Variants in TNFSF4 observed in about 807,000 individuals in gnomAD.
The protein encoded by TNFSF4 is TNF superfamily member 4.
Under a neutral mutation model 7.3 loss-of-function variants are expected in TNFSF4, and 4 were observed. That is an observed-to-expected ratio of 0.55 (90% CI 0.27 to 1.25). TNFSF4 has a LOEUF of 1.25. Among genes scored for constraint, TNFSF4 ranks in the 50% most tolerant of loss-of-function variants. The probability of loss-of-function intolerance (pLI) is 0.12; values close to 1 mark genes in which losing one functional copy is unlikely to be tolerated. For missense variants in TNFSF4, 181 were observed against 208.8 expected (o/e 0.87, Z 0.82); for synonymous variants, 76 against 83.7 (o/e 0.91, Z 0.50).
chr1:173,203,979 C>A (rs1056685699), intron 1 of TNFSF4, among the ~76,000 whole-genome samples: 7 of 152,160 alleles, frequency 4.6e-5, no homozygotes, highest in Non-Finnish European at 1.0e-4. Flanking sequence ...AATTATATAC[C>A]TTATGTCATG....
the TNFSF4 span, among the ~76,000 whole-genome samples, chr1:173,336,117 T>C: frequency 1.3e-5 from 2 of 152,206 alleles, no homozygotes; most frequent in Non-Finnish European, 2.9e-5. Context: ...ATCCCCACAT[T>C]GGTTGCCTAA....
chr1:173,305,525 A>G, the TNFSF4 span, among the ~76,000 whole-genome samples: 1 of 151,872 alleles, frequency 6.6e-6, no homozygotes, highest in East Asian at 1.9e-4. Context: ...TGGATCATTC[A>G]ACCAGTTTCT....
At chr1:173,369,667 C>T in the TNFSF4 span, among the ~76,000 whole-genome samples, 2 of 152,096 alleles carry the variant, frequency 1.3e-5, no homozygotes, top group African/African-American at 4.8e-5. Flanking sequence ...ACTCATAAAC[C>T]CTGAAAAAGA....
chr1:173,202,575 G>C (rs1442790360), intron 1 of TNFSF4, among the ~76,000 whole-genome samples: 2 of 152,168 alleles, frequency 1.3e-5, no homozygotes, highest in African/African-American at 4.8e-5. Context: ...GTTCAGATTA[G>C]ACTCACTTTC....
chr1:173,238,913 T>G, the TNFSF4 span, among the ~76,000 whole-genome samples: 1 of 152,116 alleles, frequency 6.6e-6, no homozygotes, highest in Non-Finnish European at 1.5e-5. Context: ...CCCTAAGACC[T>G]CAGGGGGATA....
At chr1:173,303,464 A>G in the TNFSF4 span, among the ~76,000 whole-genome samples, 1 of 151,824 alleles carries the variant, frequency 6.6e-6, no homozygotes, top group African/African-American at 2.4e-5. Context: ...CTCTTTCCGT[A>G]GTTAGAAGAG....
chr1:173,215,984 C>T, the TNFSF4 span, among the ~76,000 whole-genome samples: 5 of 152,262 alleles, frequency 3.3e-5, no homozygotes, highest in East Asian at 9.6e-4. Flanking sequence ...GGCCCCACCC[C>T]AGACCTATCA....
At chr1:173,179,208 A>C (rs1407994017), downstream of TNFSF4, among the ~76,000 whole-genome samples, 1 of 152,222 alleles carries the variant, frequency 6.6e-6, no homozygotes, top group African/African-American at 2.4e-5. Flanking sequence ...AGTCTCAAAG[A>C]GTCTGATGAT....
At chr1:173,319,339 G>A in the TNFSF4 span, among the ~76,000 whole-genome samples, 1 of 152,242 alleles carries the variant, frequency 6.6e-6, no homozygotes, top group Non-Finnish European at 1.5e-5. Context: ...AGCAGCCCCA[G>A]TCAGGGGCTT....
the TNFSF4 span, among the ~76,000 whole-genome samples, chr1:173,353,786 T>C: frequency 2.6e-5 from 4 of 152,346 alleles, no homozygotes; most frequent in East Asian, 5.8e-4. Context: ...AACATGTTTC[T>C]TTGGAGGAAA....
the TNFSF4 span, among the ~76,000 whole-genome samples, chr1:173,248,279 C>A: frequency 6.6e-6 from 1 of 151,744 alleles, no homozygotes; most frequent in African/African-American, 2.4e-5. Flanking sequence ...ATTGCTTGAA[C>A]CTGGGAGGCG....
At chr1:173,341,540 G>T in the TNFSF4 span, among the ~76,000 whole-genome samples, 1 of 152,172 alleles carries the variant, frequency 6.6e-6, no homozygotes, top group South Asian at 2.1e-4. Context: ...TCTGGATGTG[G>T]AATCAGGAGA....
chr1:173,220,679 T>C, the TNFSF4 span, among the ~76,000 whole-genome samples: 1 of 152,130 alleles, frequency 6.6e-6, no homozygotes, highest in South Asian at 2.1e-4. Context: ...CCCTCTGCCA[T>C]GTGAGGATAC....
At chr1:173,261,700 C>T in the TNFSF4 span, among the ~76,000 whole-genome samples, 1 of 152,160 alleles carries the variant, frequency 6.6e-6, no homozygotes, top group Non-Finnish European at 1.5e-5. Context: ...ACTATAAACA[C>T]CTCTATGCAC....
chr1:173,306,845 G>A, the TNFSF4 span, among the ~76,000 whole-genome samples: 2 of 151,770 alleles, frequency 1.3e-5, no homozygotes, highest in African/African-American at 4.8e-5. Flanking sequence ...TGATGGATTC[G>A]AACTTCCCTG....
chr1:173,420,866 A>T, the TNFSF4 span, among the ~76,000 whole-genome samples: 2 of 152,218 alleles, frequency 1.3e-5, no homozygotes, highest in East Asian at 3.8e-4. Flanking sequence ...CCCTTAATTT[A>T]GAGTCAGAAA....
At chr1:173,268,783 T>C in the TNFSF4 span, among the ~76,000 whole-genome samples, 1 of 152,006 alleles carries the variant, frequency 6.6e-6, no homozygotes, top group Non-Finnish European at 1.5e-5. Context: ...AGTAAAAGGA[T>C]GGGGAAAGAT....
At chr1:173,192,799 G>C (rs756099988) in intron 1 of TNFSF4, among the ~76,000 whole-genome samples, 30 of 152,142 alleles carry the variant, frequency 2.0e-4, no homozygotes, top group Non-Finnish European at 3.7e-4. Flanking sequence ...CATTTATCTT[G>C]CTGATTTTGT....
chr1:173,371,320 G>A, the TNFSF4 span, among the ~76,000 whole-genome samples: 2 of 152,198 alleles, frequency 1.3e-5, no homozygotes, highest in Non-Finnish European at 2.9e-5. Flanking sequence ...TGTTATGCCT[G>A]TAAGTCCCAC....
Sources: allele counts gnomAD v4.1 joint callset (sites outside exome capture counted in the v4.1 genomes callset), GRCh38; gene constraint gnomAD v4.1.1; transcripts MANE v1.5; gene names NCBI Gene and HGNC (gene_info 2026-07-23, HGNC 2026-07-21).